RFTN1: variants seen among roughly 807,000 people sequenced by gnomAD.
RFTN1 encodes the protein raftlin.
Under a neutral mutation model 46.5 loss-of-function variants are expected in RFTN1, and 26 were observed. The ratio of observed to expected loss-of-function variants is 0.56; its 90% CI spans 0.41 to 0.78. RFTN1 has a LOEUF of 0.78. Ranked by LOEUF, RFTN1 falls within the 30% of genes least tolerant of loss-of-function variation. The pLI, the probability that RFTN1 is intolerant of heterozygous loss-of-function variation, is 0.00. For missense variants in RFTN1, 693 were observed against 718.7 expected (o/e 0.96, Z 0.41); for synonymous variants, 261 against 284.2 (o/e 0.92, Z 0.82).
chr3:16,487,686 A>G (rs1196531548), intron 2 of RFTN1, among the ~76,000 whole-genome samples: 1 of 152,206 alleles, frequency 6.6e-6, no homozygotes, highest in East Asian at 1.9e-4. Context: ...CTCCGTGCCA[A>G]CTGTCCCTGG....
At position 16,334,062 on chromosome 3, in the gene RFTN1, G is replaced by C; in HGVS notation, c.1147-7186C>G. ...TGCCTGTAGTCCCAGCTACTTGGGA[G>C]GCTGAGGCAGGAGAATGGCTTGAAC... On this transcript the variant is annotated intron_variant, in intron 7 of 9. Coordinates refer to ENST00000334133, the MANE Select transcript of RFTN1 (RefSeq NM_015150.2). The surrounding 1 kb of genome is among the most constrained non-coding windows in gnomAD (Gnocchi z 4.3). Among the ~76,000 whole-genome samples the C allele has an allele frequency of 6.6e-6, 1 of 152,204 alleles. No individual in the cohort carries two copies. The highest frequency in any genetic ancestry group is 1.5e-5 in the Non-Finnish European group (1 of 68,038).
At position 16,385,657 on chromosome 3, in the gene RFTN1, A is replaced by G. The variant is rs1403794283; in HGVS notation, c.442-7555T>C. ...CAATTGGAATCACCAAGCAACCCCC[A>G]GCCATTCCATTGCACAGAGTAGTTT... On this transcript the variant is annotated intron_variant, in intron 4 of 9. Coordinates refer to ENST00000334133, the MANE Select transcript of RFTN1 (RefSeq NM_015150.2). This position sits in a 1 kb window ranked among gnomAD's most constrained non-coding sequence, Gnocchi z 5.0. Among the ~76,000 whole-genome samples, 4 of 152,208 alleles carry G rather than the reference A, an allele frequency of 2.6e-5. No homozygotes were observed. Among genetic ancestry groups the G allele is most frequent in the Non-Finnish European group, 5.9e-5 (4 of 68,024 alleles).
rs1297771655 is a variant in RFTN1, at chr3:16,452,117, G to C, written c.146-18080C>G. Among the ~76,000 whole-genome samples, 2 of 152,134 alleles carry C rather than the reference G, an allele frequency of 1.3e-5. No homozygotes were observed. Among genetic ancestry groups the C allele is most frequent in the Admixed American group, 6.5e-5 (1 of 15,272 alleles). On this transcript the variant is annotated intron_variant, in intron 2 of 9. Transcript: ENST00000334133. This position sits in a 1 kb window ranked among gnomAD's most constrained non-coding sequence, Gnocchi z 6.3. Reference sequence around the variant, plus strand: ...GAATAGTGAGTAATTGAAAACTTATGCATTATTTCTAGAATTTTTCATTTC... The same window carrying C: ...GAATAGTGAGTAATTGAAAACTTATCCATTATTTCTAGAATTTTTCATTTC...
Position 16,500,712 on chromosome 3 carries a change from C to T in RFTN1, c.-8-6835G>A, listed in dbSNP as rs1026457724. 2.0e-5 allele frequency among the ~76,000 whole-genome samples: 3 copies of T among 152,138 alleles called. No individual in the cohort carries two copies. The highest frequency in any genetic ancestry group is 4.8e-5 in the African/African-American group (2 of 41,432). ...TTAAGTGGGATGTCTCTTTGGTAAGCGGTGGATCAGCTTCTTACAGGAGCT... is the reference window on the plus strand; with the variant it reads ...TTAAGTGGGATGTCTCTTTGGTAAGTGGTGGATCAGCTTCTTACAGGAGCT... On this transcript the variant is annotated intron_variant, in intron 1 of 9. Coordinates refer to ENST00000334133, the MANE Select transcript of RFTN1 (RefSeq NM_015150.2). This position sits in a 1 kb window ranked among gnomAD's most constrained non-coding sequence, Gnocchi z 5.9.
chr3:16,473,260 GACTGGGTGTGCTGTGGGGTGCCAA>G lies in RFTN1; in HGVS notation c.145+20441_145+20464del, dbSNP rs1248714046. On this transcript the variant is annotated intron_variant, in intron 2 of 9. Transcript: ENST00000334133. The surrounding 1 kb of genome is among the most constrained non-coding windows in gnomAD (Gnocchi z 5.3). ...TGGGCCAGACTCCATGATACCAGGT[GACTGGGTGTGCTGTGGGGTGCCAA>G]ATGTCCACATATTGATCATCTTATC... 6.6e-6 allele frequency among the ~76,000 whole-genome samples: 1 copy of G among 151,278 alleles called. No individual in the cohort carries two copies. Among genetic ancestry groups the G allele is most frequent in the Non-Finnish European group, 1.5e-5 (1 of 67,538 alleles).
rs547744868 is a variant in RFTN1, at chr3:16,492,017, T to C, written c.145+1708A>G. Among the ~76,000 whole-genome samples the C allele has an allele frequency of 3.9e-5, 6 of 152,288 alleles. No homozygotes were observed. In the East Asian group the frequency reaches 1.2e-3, roughly 29 times the overall value. ...AAATAATTGTATGTTACATTAGCTA[T>C]ATTAGAGGCATTTACAGACATGGTT... On this transcript the variant is annotated intron_variant, in intron 2 of 9. Transcript: ENST00000334133.
In RFTN1 at chr3:16,384,031, A is replaced by C. The variant is rs1358185453; in HGVS notation, c.442-5929T>G. Among the ~76,000 whole-genome samples the C allele has an allele frequency of 6.6e-6, 1 of 152,236 alleles. No homozygotes were observed. Among genetic ancestry groups the C allele is most frequent in the Non-Finnish European group, 1.5e-5 (1 of 68,050 alleles). ...CATTTACTATCAGTTGACTTTCGGT[A>C]AAGTGGATTCCTCCATTATTAGGTG... On this transcript the variant is annotated intron_variant, in intron 4 of 9. Transcript: ENST00000334133. This position sits in a 1 kb window ranked among gnomAD's most constrained non-coding sequence, Gnocchi z 4.7.
rs555398455 is a variant in RFTN1, at chr3:16,509,753, A to T, written c.-9+3689T>A. Among the ~76,000 whole-genome samples, 8 of 152,204 alleles carry T rather than the reference A, an allele frequency of 5.3e-5. No individual in the cohort carries two copies. Among genetic ancestry groups the T allele is most frequent in the Non-Finnish European group, 1.2e-4 (8 of 68,038 alleles). On this transcript the variant is annotated intron_variant, in intron 1 of 9. Coordinates refer to ENST00000334133, the MANE Select transcript of RFTN1 (RefSeq NM_015150.2). The surrounding 1 kb of genome is among the most constrained non-coding windows in gnomAD (Gnocchi z 4.9). The stretch of plus-strand genomic sequence containing the variant: ...CCCACTGTCAACCTCCAGAGAGGCG[A>T]TCACCCAGATGGGTATCACGAGTCA...
Position 16,379,678 on chromosome 3 carries a change from G to A in RFTN1, c.442-1576C>T, listed in dbSNP as rs546500877. On this transcript the variant is annotated intron_variant, in intron 4 of 9. Transcript: ENST00000334133. ...GTGTCCACTCATACGCCCCGAGTTG[G>A]CTCAATTCACTCTTCAAAAGTTAAA... Among the ~76,000 whole-genome samples, 5 of 152,028 alleles carry A rather than the reference G, an allele frequency of 3.3e-5. No homozygotes were observed. The East Asian group carries it at 9.7e-4, about 29-fold the overall frequency.
intron 6 of RFTN1, among the ~76,000 whole-genome samples, chr3:16,367,033 A>C (rs2073226668): frequency 1.3e-5 from 2 of 152,370 alleles, no homozygotes; most frequent in South Asian, 4.1e-4. Context: ...CCTCAAGAAC[A>C]GAAGCTCTGG....
rs2069746013 is a variant in RFTN1 at position 16,326,825 on chromosome 3, A to T, written c.1198T>A (p.Tyr400Asn). 1 of 1,614,034 alleles carries T rather than the reference A, an allele frequency of 6.2e-7. No homozygotes were observed. The part of the protein sequence containing the change: ...YVPLLNSLAA[Y>N]GWQLTCVLPT... ...AGCACACAGGTGAGCTGCCAGCCAT[A>T]GGCCGCCAGCGAGTTCAGCAGGGGC... The change falls in exon 8 of 10, where the codon TAT (tyrosine) becomes AAT (asparagine). Residue 400 changes from tyrosine (Y) to asparagine (N), a missense_variant. Coordinates refer to ENST00000334133, the MANE Select transcript of RFTN1 (RefSeq NM_015150.2).
At position 16,345,817 on chromosome 3, in the gene RFTN1, T is replaced by TGCGC. The variant is rs1553726165; in HGVS notation, c.1146+12111_1146+12114dup. ...GTGTGTGTGTGTGTGTGTGTGTGTG[T>TGCGC]GCGCGCGCGCGTGCGCGCACGCGCA... On this transcript the variant is annotated intron_variant, in intron 7 of 9. Transcript: ENST00000334133. This position sits in a 1 kb window ranked among gnomAD's most constrained non-coding sequence, Gnocchi z 5.2. Among the ~76,000 whole-genome samples the TGCGC allele has an allele frequency of 2.1e-4, 16 of 74,618 alleles. No individual in the cohort carries two copies. Among genetic ancestry groups the TGCGC allele is most frequent in the African/African-American group, 6.0e-4 (11 of 18,182 alleles). 49.0% of individuals were successfully genotyped at this position (74,618 alleles called of 152,430 possible).
chr3:16,401,325 A>G (rs200168995), intron 4 of RFTN1, among the ~76,000 whole-genome samples: 1 of 136,602 alleles, frequency 7.3e-6, no homozygotes, highest in Non-Finnish European at 1.7e-5. Flanking sequence ...CCGTGTTAAA[A>G]AAAAAAAAAA....
chr3:16,404,328 AATATATAAT>A (rs2074785477), intron 4 of RFTN1, among the ~76,000 whole-genome samples: 2 of 32,634 alleles, frequency 6.1e-5, no homozygotes, highest in Non-Finnish European at 1.0e-4. Flanking sequence ...TATAATATAT[AATATATAAT>A]ATATATAATA....
Position 16,452,231 on chromosome 3 carries a change from T to G in RFTN1, c.146-18194A>C, listed in dbSNP as rs906548830. On this transcript the variant is annotated intron_variant, in intron 2 of 9. Coordinates refer to ENST00000334133, the MANE Select transcript of RFTN1 (RefSeq NM_015150.2). This position sits in a 1 kb window ranked among gnomAD's most constrained non-coding sequence, Gnocchi z 6.3. ...GGGGAACTACTGTACAAACAGTGAA[T>G]GAGAGTTATTCATAAGAAGCCAAAG... is the stretch of plus-strand genomic sequence containing the variant. 3.9e-5 allele frequency among the ~76,000 whole-genome samples: 6 copies of G among 151,992 alleles called. No individual in the cohort carries two copies. The highest frequency in any genetic ancestry group is 3.9e-4 in the East Asian group (2 of 5,186).
At chr3:16,391,928 G>T (rs71310338) in intron 4 of RFTN1, among the ~76,000 whole-genome samples, 9 of 126,440 alleles carry the variant, frequency 7.1e-5, no homozygotes, top group Non-Finnish European at 1.1e-4. Flanking sequence ...AAGAATTTCA[G>T]AAAGTGAAAC....
At chr3:16,343,483 C>T (rs1017409758) in intron 7 of RFTN1, among the ~76,000 whole-genome samples, 3 of 152,196 alleles carry the variant, frequency 2.0e-5, no homozygotes, top group Non-Finnish European at 4.4e-5. Context: ...TTGTTTCCCA[C>T]CATTTCCAGG....
Position 16,353,064 on chromosome 3 carries a change from G to C in RFTN1, c.1146+4868C>G, listed in dbSNP as rs1368940124. ...AGGAGGAGGAAAGAGGCAGGAAAGG[G>C]ACAGACCAGTCCCCACTGTGAGACA... is the stretch of plus-strand genomic sequence containing the variant. On this transcript the variant is annotated intron_variant, in intron 7 of 9. Coordinates refer to ENST00000334133, the MANE Select transcript of RFTN1 (RefSeq NM_015150.2). This position sits in a 1 kb window ranked among gnomAD's most constrained non-coding sequence, Gnocchi z 5.4. 6.6e-6 allele frequency among the ~76,000 whole-genome samples: 1 copy of C among 152,190 alleles called. No individual in the cohort carries two copies. Among genetic ancestry groups the C allele is most frequent in the Non-Finnish European group, 1.5e-5 (1 of 68,038 alleles).
rs1198579443 is a variant in RFTN1, at chr3:16,489,329, A to C, written c.145+4396T>G. Among the ~76,000 whole-genome samples the C allele has an allele frequency of 2.0e-5, 3 of 152,100 alleles. No homozygotes were observed. The highest frequency in any genetic ancestry group is 1.3e-4 in the Admixed American group (2 of 15,286). On this transcript the variant is annotated intron_variant, in intron 2 of 9. Transcript: ENST00000334133. This position sits in a 1 kb window ranked among gnomAD's most constrained non-coding sequence, Gnocchi z 4.0. Reference sequence around the variant, plus strand: ...ACTACTCGGCAGGCTGAGGCACAAGAATTATTTGAACCCAGGAGGTGAAGA... The same window carrying C: ...ACTACTCGGCAGGCTGAGGCACAAGCATTATTTGAACCCAGGAGGTGAAGA...
Sources: gnomAD v4.1 joint callset for allele counts (sites outside exome capture counted in the v4.1 genomes callset) on GRCh38, gnomAD v4.1.1 for gene constraint, Gnocchi (gnomAD v3.1) non-coding constraint, MANE v1.5 for transcripts, NCBI Gene and HGNC (gene_info 2026-07-23, HGNC 2026-07-21) for gene names.